The following NXPH3 variants were observed in gnomAD, a reference collection of about 807,000 sequenced individuals.
The protein encoded by NXPH3 is neurexophilin 3.
NXPH3 carries 7 observed loss-of-function variants against 18.8 expected under a neutral mutation model. The observed-to-expected ratio is 0.37, with a 90% CI of 0.21 to 0.70. NXPH3 has a LOEUF of 0.70. NXPH3 is among the 30% of genes least tolerant of loss of function. The pLI is 0.53. For missense variants in NXPH3, 282 were observed against 338.1 expected (o/e 0.83, Z 1.30); for synonymous variants, 101 against 137.3 (o/e 0.74, Z 1.85).
Position 49,578,904 on chromosome 17 carries a change from G to T in NXPH3, c.363G>T (p.Lys121Asn). 1 of 1,614,182 alleles carries T rather than the reference G, an allele frequency of 6.2e-7. No individual in the cohort carries two copies. The highest frequency in any genetic ancestry group is 8.5e-7 in the Non-Finnish European group (1 of 1,180,036). Reference sequence around the variant, plus strand: ...CCCTGAACCTGCTCGTCACAGGGAAGATTGTGGACCATGGCAATGGGACCT... The same window carrying T: ...CCCTGAACCTGCTCGTCACAGGGAATATTGTGGACCATGGCAATGGGACCT... ...TVALNLLVTG[K>N]IVDHGNGTFS... is the part of the protein sequence containing the mutation. The change falls in exon 2 of 2, where the codon AAG (lysine) becomes AAT (asparagine). Residue 121 changes from lysine to asparagine, a missense_variant. Physicochemically the swap from Lys to Asn is moderately conservative, Grantham distance 94. Transcript: ENST00000328741. This position sits in a 1 kb window ranked among gnomAD's most constrained non-coding sequence, Gnocchi z 4.5.
Position 49,583,245 on chromosome 17 carries a change from G to A in NXPH3, c.*3945G>A, listed in dbSNP as rs1334455727. ...TCCAGTGTCATCGCTGGGAGTGGGA[G>A]ACAGAAATGTTACTTCCAAAGATTC... is the stretch of plus-strand genomic sequence containing the variant. On this transcript the variant is annotated 3_prime_UTR_variant, in exon 2 of 2. Coordinates refer to ENST00000328741, the MANE Select transcript of NXPH3 (RefSeq NM_007225.4). 1.3e-5 allele frequency: 2 copies of A among 152,436 alleles called. No homozygotes were observed. Among genetic ancestry groups the A allele is most frequent in the Non-Finnish European group, 2.9e-5 (2 of 68,180 alleles). The allele number at this position is 152,436 out of a possible 1,614,324, so 9.4% of individuals were successfully genotyped here.
Position 49,576,139 on chromosome 17 carries a change from C to A in NXPH3, c.-81C>A. On this transcript the variant is annotated 5_prime_UTR_variant, in exon 1 of 2. It adds an upstream start codon to the 5' untranslated region. Transcript: ENST00000328741. Reference sequence around the variant, plus strand: ...GGGACTGGAGCATGGGACGGCGCGCCTGAAGGAGCAGGAAGGGGAAGGAGG... The same window carrying A: ...GGGACTGGAGCATGGGACGGCGCGCATGAAGGAGCAGGAAGGGGAAGGAGG... 1 of 1,524,298 alleles carries A rather than the reference C, an allele frequency of 6.6e-7. No homozygotes were observed. The highest frequency in any genetic ancestry group is 1.2e-5 in the South Asian group (1 of 83,472). 94.4% of individuals were successfully genotyped at this position (1,524,298 alleles called of 1,614,324 possible).
Position 49,582,182 on chromosome 17 carries a change from A to C in NXPH3, c.*2882A>C. On this transcript the variant is annotated 3_prime_UTR_variant, in exon 2 of 2. Coordinates refer to ENST00000328741, the MANE Select transcript of NXPH3 (RefSeq NM_007225.4). ...TGCCCCATTGGCGAGCAGTGTCCCCATGGTGATGCCCCCCCACCATCACGA... is the reference window on the plus strand; with the variant it reads ...TGCCCCATTGGCGAGCAGTGTCCCCCTGGTGATGCCCCCCCACCATCACGA... The C allele has an allele frequency of 7.6e-6, 3 of 396,238 alleles. No individual in the cohort carries two copies. Among genetic ancestry groups the C allele is most frequent in the Middle Eastern group, 6.7e-4 (1 of 1,486 alleles). The allele number at this position is 396,238 out of a possible 1,614,324, so 24.5% of individuals were successfully genotyped here.
intron 1 of NXPH3, among the ~76,000 whole-genome samples, chr17:49,577,069 C>A (rs1360167827): frequency 6.6e-6 from 1 of 152,178 alleles, no homozygotes; most frequent in Non-Finnish European, 1.5e-5. Context: ...GCCACCGCCC[C>A]ATGCCACTGT....
In NXPH3 at chr17:49,582,306, TC is replaced by T; in HGVS notation, c.*3008del. On this transcript the variant is annotated 3_prime_UTR_variant, in exon 2 of 2. Transcript: ENST00000328741. The stretch of plus-strand genomic sequence containing the variant: ...TCTGCCCAGACCCCAAAGGGCCAGG[TC>T]CTACTCACACTCCAACCCGTTGACC... 3 of 179,454 alleles carry T rather than the reference TC, an allele frequency of 1.7e-5. No individual in the cohort carries two copies. Among genetic ancestry groups the T allele is most frequent in the Non-Finnish European group, 3.5e-5 (3 of 85,772 alleles). The allele number at this position is 179,454 out of a possible 1,614,324, so 11.1% of individuals were successfully genotyped here.
rs146990204 is a variant in NXPH3 at position 49,583,443 on chromosome 17, C to T, written c.*4143C>T. 42 of 152,378 alleles carry T rather than the reference C, an allele frequency of 2.8e-4. No individual in the cohort carries two copies. Among genetic ancestry groups the T allele is most frequent in the African/African-American group, 9.9e-4 (41 of 41,580 alleles). The allele number at this position is 152,378 out of a possible 1,614,324, so 9.4% of individuals were successfully genotyped here. On this transcript the variant is annotated 3_prime_UTR_variant, in exon 2 of 2. Coordinates refer to ENST00000328741, the MANE Select transcript of NXPH3 (RefSeq NM_007225.4). ...CCAAGGCACAAATGCCAGCAGAGAC[C>T]TGGCACTCACCTGGGTTGTGATTCC...
At position 49,579,597 on chromosome 17, in the gene NXPH3, C is replaced by T. The variant is rs1018716503; in HGVS notation, c.*297C>T. ...GAGCCACAGAGAGATGCTGGGTCCC[C>T]GAGGCCTGTGGGCAGGCCGATCAGT... On this transcript the variant is annotated 3_prime_UTR_variant, in exon 2 of 2. Coordinates refer to ENST00000328741, the MANE Select transcript of NXPH3 (RefSeq NM_007225.4). This position sits in a 1 kb window ranked among gnomAD's most constrained non-coding sequence, Gnocchi z 6.0. The T allele has an allele frequency of 4.8e-6, 2 of 419,480 alleles. No individual in the cohort carries two copies. The highest frequency in any genetic ancestry group is 3.8e-5 in the South Asian group (1 of 26,194). The allele number at this position is 419,480 out of a possible 1,614,324, so 26.0% of individuals were successfully genotyped here.
At position 49,578,168 on chromosome 17, in the gene NXPH3, G is replaced by A. The variant is rs2071580210; in HGVS notation, c.55-428G>A. ...TCAGCCTGGGGATTTCACAGAGGCA[G>A]GGATTCTACTTCCTATCAAATTGGG... is the stretch of plus-strand genomic sequence containing the variant. On this transcript the variant is annotated intron_variant, in intron 1 of 1. Coordinates refer to ENST00000328741, the MANE Select transcript of NXPH3 (RefSeq NM_007225.4). The surrounding 1 kb of genome is among the most constrained non-coding windows in gnomAD (Gnocchi z 4.5). Among the ~76,000 whole-genome samples the A allele has an allele frequency of 6.6e-6, 1 of 152,184 alleles. No homozygotes were observed. Among genetic ancestry groups the A allele is most frequent in the South Asian group, 2.1e-4 (1 of 4,834 alleles).
At chr17:49,576,444 A>T (rs2071571632) in intron 1 of NXPH3, among the ~76,000 whole-genome samples, 171 bp downstream of exon 1, 2 of 151,400 alleles carry the variant, frequency 1.3e-5, no homozygotes, top group South Asian at 4.2e-4. Context: ...GACTGGACAG[A>T]TAGGGTTAAT....
At position 49,576,112 on chromosome 17, in the gene NXPH3, C is replaced by T; in HGVS notation, c.-108C>T. On this transcript the variant is annotated 5_prime_UTR_variant, in exon 1 of 2. Coordinates refer to ENST00000328741, the MANE Select transcript of NXPH3 (RefSeq NM_007225.4). ...CGCTGAGGGGAGGGCCGCGGGCCGC[C>T]GGGGACTGGAGCATGGGACGGCGCG... The T allele has an allele frequency of 4.3e-6, 6 of 1,400,822 alleles. No homozygotes were observed. Among genetic ancestry groups the T allele is most frequent in the South Asian group, 1.2e-5 (1 of 80,234 alleles). The allele number at this position is 1,400,822 out of a possible 1,614,324, so 86.8% of individuals were successfully genotyped here.
rs759215293 is a variant in NXPH3 at position 49,578,564 on chromosome 17, G to A, written c.55-32G>A. On this transcript the variant is annotated intron_variant, in intron 1 of 1. Transcript: ENST00000328741. This position sits in a 1 kb window ranked among gnomAD's most constrained non-coding sequence, Gnocchi z 4.5. ...GGGGGTGGTGGACCTCCAGGGACAG[G>A]GCTCTCACTGTACTCACAACTCCCT... is the stretch of plus-strand genomic sequence containing the variant. The A allele has an allele frequency of 6.7e-6, 10 of 1,493,360 alleles. No individual in the cohort carries two copies. The South Asian group carries it at 9.3e-5, about 14-fold the overall frequency. The allele number at this position is 1,493,360 out of a possible 1,614,324, so 92.5% of individuals were successfully genotyped here. A position where few individuals can be genotyped will look rare whatever the true frequency, so the allele number is the denominator to read the frequency against.
At chr17:49,576,783 C>G (rs1404242055) in intron 1 of NXPH3, among the ~76,000 whole-genome samples, 2 of 147,076 alleles carry the variant, frequency 1.4e-5, no homozygotes, top group Non-Finnish European at 3.0e-5. Context: ...TTGTTTTCCT[C>G]TGCTCTCCCG....
Position 49,576,265 on chromosome 17 carries a change from C to G in NXPH3, c.46C>G (p.Leu16Val). ...CTTCGTGTTCCTGGTGCAGGGTAGC[C>G]TCTATCTGGTGAGTGGTCCGAGGGG... is the stretch of plus-strand genomic sequence containing the variant. ...CCFVFLVQGS[L>V]YLVICGQDDG... Residue 16 changes from leucine (L) to valine (V), a missense_variant, in exon 1 of 2, where the codon CTC becomes GTC. Leu to Val is a conservative substitution (Grantham distance 32, BLOSUM62 1). Transcript: ENST00000328741. 2 of 1,567,592 alleles carry G rather than the reference C, an allele frequency of 1.3e-6. No homozygotes were observed. Among genetic ancestry groups the G allele is most frequent in the Non-Finnish European group, 1.7e-6 (2 of 1,156,572 alleles).
At chr17:49,577,146 A>G (rs1317311917) in intron 1 of NXPH3, among the ~76,000 whole-genome samples, 7 of 152,006 alleles carry the variant, frequency 4.6e-5, no homozygotes, top group Non-Finnish European at 8.8e-5. Context: ...GACCCTCAGG[A>G]GCAAGTACCT....
At position 49,581,600 on chromosome 17, in the gene NXPH3, C is replaced by A. The variant is rs1346697074; in HGVS notation, c.*2300C>A. On this transcript the variant is annotated 3_prime_UTR_variant, in exon 2 of 2. Transcript: ENST00000328741. ...CCTGAGTGGAGATGTGAGACACACA[C>A]CCCTCCTCCAGACCACCCTCCGCTC... The A allele has an allele frequency of 1.1e-5, 8 of 701,100 alleles. No homozygotes were observed. Among genetic ancestry groups the A allele is most frequent in the Middle Eastern group, 2.3e-4 (1 of 4,368 alleles). The allele number at this position is 701,100 out of a possible 1,614,324, so 43.4% of individuals were successfully genotyped here. A position where few individuals can be genotyped will look rare whatever the true frequency, so the allele number is the denominator to read the frequency against.
At position 49,582,143 on chromosome 17, in the gene NXPH3, G is replaced by A. The variant is rs1033852250; in HGVS notation, c.*2843G>A. 1 of 499,140 alleles carries A rather than the reference G, an allele frequency of 2.0e-6. No individual in the cohort carries two copies. The allele number at this position is 499,140 out of a possible 1,614,324, so 30.9% of individuals were successfully genotyped here. A position where few individuals can be genotyped will look rare whatever the true frequency, so the allele number is the denominator to read the frequency against. ...GGTCCATCCAACTTCCTCTGGCTAA[G>A]AAGACGTCACCTCTGCCCCATTGGC... On this transcript the variant is annotated 3_prime_UTR_variant, in exon 2 of 2. Transcript: ENST00000328741.
At position 49,582,265 on chromosome 17, in the gene NXPH3, A is replaced by G; in HGVS notation, c.*2965A>G. The G allele has an allele frequency of 4.4e-6, 1 of 228,672 alleles. No homozygotes were observed. The highest frequency in any genetic ancestry group is 2.3e-5 in the African/African-American group (1 of 43,854). The allele number at this position is 228,672 out of a possible 1,614,324, so 14.2% of individuals were successfully genotyped here. A position where few individuals can be genotyped will look rare whatever the true frequency, so the allele number is the denominator to read the frequency against. The stretch of plus-strand genomic sequence containing the variant: ...ACACACTCACAGGAGATTCCTCTGA[A>G]GAAACCTGTCCCCACTCTGCCCAGA... On this transcript the variant is annotated 3_prime_UTR_variant, in exon 2 of 2. Coordinates refer to ENST00000328741, the MANE Select transcript of NXPH3 (RefSeq NM_007225.4).
rs985837820 is a variant in NXPH3, at chr17:49,578,828, T to G, written c.287T>G (p.Val96Gly). The change falls in exon 2 of 2, where the codon GTG becomes GGG. Residue 96 changes from valine (V) to glycine (G), a missense_variant. Coordinates refer to ENST00000328741, the MANE Select transcript of NXPH3 (RefSeq NM_007225.4). This position sits in a 1 kb window ranked among gnomAD's most constrained non-coding sequence, Gnocchi z 4.5. ...PNHSPPPSAK[V>G]KKIFGWGDFY... ...CACAGCCCCCCACCCTCAGCCAAGGTGAAGAAAATCTTTGGCTGGGGCGAC... is the reference window on the plus strand; with the variant it reads ...CACAGCCCCCCACCCTCAGCCAAGGGGAAGAAAATCTTTGGCTGGGGCGAC... The G allele has an allele frequency of 6.2e-7, 1 of 1,613,800 alleles. No individual in the cohort carries two copies. Among genetic ancestry groups the G allele is most frequent in the African/African-American group, 1.3e-5 (1 of 74,876 alleles).
chr17:49,576,645 C>T (rs1201331602), intron 1 of NXPH3, among the ~76,000 whole-genome samples: 1 of 152,030 alleles, frequency 6.6e-6, no homozygotes, highest in African/African-American at 2.4e-5. Context: ...CAGGCTTTTC[C>T]CCTGACCTCT....
Sources: gnomAD v4.1 joint callset for allele counts (sites outside exome capture counted in the v4.1 genomes callset) on GRCh38, gnomAD v4.1.1 for gene constraint, Gnocchi (gnomAD v3.1) non-coding constraint, MANE v1.5 for transcripts, NCBI Gene and HGNC (gene_info 2026-07-23, HGNC 2026-07-21) for gene names.